MIB1: variants seen among roughly 807,000 people sequenced by gnomAD.
MIB1 encodes E3 ubiquitin-protein ligase MIB1.
Under a neutral mutation model 124.5 loss-of-function variants are expected in MIB1, and 278 were observed. The observed-to-expected ratio is 2.23, with a 90% CI of 2.02 to 2.47. The LOEUF (loss-of-function observed/expected upper bound fraction) is 2.47. Ranked by LOEUF, MIB1 falls within the 30% of genes most tolerant of loss-of-function variation. The pLI is 0.00. For missense variants in MIB1, 957 were observed against 1,254.4 expected (o/e 0.76, Z 3.58); for synonymous variants, 446 against 429.4 (o/e 1.04, Z -0.48).
At chr18:21,810,654 A>G (rs2041762153) in intron 10 of MIB1, among the ~76,000 whole-genome samples, 1 of 151,812 alleles carries the variant, frequency 6.6e-6, no homozygotes. Flanking sequence ...TTTTAAACAA[A>G]TGGTGCTTGG....
chr18:21,806,136 C>T (rs1309889854), intron 10 of MIB1, among the ~76,000 whole-genome samples: 2 of 151,262 alleles, frequency 1.3e-5, no homozygotes, highest in African/African-American at 2.4e-5. Flanking sequence ...CTCCTGACCT[C>T]GAGTGATTTC....
intron 1 of MIB1, among the ~76,000 whole-genome samples, chr18:21,750,360 C>T (rs937496180): frequency 1.6e-4 from 25 of 152,248 alleles, no homozygotes; most frequent in Middle Eastern, 3.4e-3. Flanking sequence ...CGGAGTCTCG[C>T]TCTGTCGTCC....
chr18:21,718,311 G>A (rs1331548411), intron 1 of MIB1, among the ~76,000 whole-genome samples: 1 of 152,096 alleles, frequency 6.6e-6, no homozygotes, highest in Admixed American at 6.6e-5. Flanking sequence ...GGTGATGGGT[G>A]CACCAAAAAT....
chr18:21,781,369 A>T (rs1220020598), intron 6 of MIB1, among the ~76,000 whole-genome samples: 2 of 10,508 alleles, frequency 1.9e-4, no homozygotes, highest in African/African-American at 6.8e-4. Context: ...TTCAAGTTAT[A>T]TATATATATA....
chr18:21,837,007 C>A (rs1026871324), intron 12 of MIB1, among the ~76,000 whole-genome samples: 1 of 152,002 alleles, frequency 6.6e-6, no homozygotes, highest in Non-Finnish European at 1.5e-5. Flanking sequence ...TCTATGAAGC[C>A]CATGAATGGG....
intron 12 of MIB1, among the ~76,000 whole-genome samples, chr18:21,836,118 G>A (rs1305164883): frequency 1.3e-5 from 2 of 151,798 alleles, no homozygotes; most frequent in Non-Finnish European, 2.9e-5. Context: ...GCTGGGCTTG[G>A]TGGCATGTAC....
intron 12 of MIB1, among the ~76,000 whole-genome samples, chr18:21,833,491 G>T (rs2042001730): frequency 6.6e-6 from 1 of 152,112 alleles, no homozygotes; most frequent in Non-Finnish European, 1.5e-5. Flanking sequence ...CGATTTGAGG[G>T]ATTGTTTATT....
At chr18:21,709,471 G>T (rs2040656365) in intron 1 of MIB1, among the ~76,000 whole-genome samples, 1 of 152,204 alleles carries the variant, frequency 6.6e-6, no homozygotes, top group African/African-American at 2.4e-5. Context: ...TCTGGAAACA[G>T]GGTGTTACCA....
In MIB1 at chr18:21,773,640, A is replaced by ACT; in HGVS notation, c.549_550dup (p.Trp184SerfsTer33). On this transcript the variant is annotated frameshift_variant, in exon 4 of 21. Coordinates refer to ENST00000261537, the MANE Select transcript of MIB1 (RefSeq NM_020774.4). LOFTEE classifies it high-confidence loss of function. ...TTCTGTTAGGTAACAGAAATCCAGGACTGGAGTGCATCAAGCCCACATAGC... is the reference window on the plus strand; with the variant it reads ...TTCTGTTAGGTAACAGAAATCCAGGACTCTGGAGTGCATCAAGCCCACATAGC... 1 of 1,608,996 alleles carries ACT rather than the reference A, an allele frequency of 6.2e-7. No homozygotes were observed.
chr18:21,800,998 T>C (rs1282585961), intron 9 of MIB1, among the ~76,000 whole-genome samples: 1 of 152,086 alleles, frequency 6.6e-6, no homozygotes, highest in Non-Finnish European at 1.5e-5. Context: ...ACTAAATTAT[T>C]TTAAAATTAT....
At chr18:21,721,164 T>TTTTTG (rs2040713448) in intron 1 of MIB1, among the ~76,000 whole-genome samples, 1 of 86,476 alleles carries the variant, frequency 1.2e-5, no homozygotes, top group African/African-American at 6.6e-5. Flanking sequence ...AAGAAGTTTT[T>TTTTTG]TTTTTTTTTT....
Position 21,815,605 on chromosome 18 carries a change from C to T in MIB1, c.1480-11C>T. On this transcript the variant is annotated splice_polypyrimidine_tract_variant and intron_variant, in intron 10 of 20. Coordinates refer to ENST00000261537, the MANE Select transcript of MIB1 (RefSeq NM_020774.4). ...ATATTCACTAATTCACATTTCAATA[C>T]TAATGATTAGGATAAAGATGGTGAT... The T allele has an allele frequency of 6.2e-7, 1 of 1,609,964 alleles. No homozygotes were observed. The highest frequency in any genetic ancestry group is 8.5e-7 in the Non-Finnish European group (1 of 1,177,104).
upstream of MIB1, among the ~76,000 whole-genome samples, chr18:21,739,693 G>A (rs547682549): frequency 6.6e-6 from 1 of 151,986 alleles, no homozygotes; most frequent in African/African-American, 2.4e-5. Context: ...TCCGGCCAGG[G>A]AAAATAGTGA....
At chr18:21,751,665 G>A (rs924300416) in intron 1 of MIB1, among the ~76,000 whole-genome samples, 7 of 151,924 alleles carry the variant, frequency 4.6e-5, no homozygotes, top group Non-Finnish European at 8.8e-5. Context: ...TTTTATTGGG[G>A]GAAAAATCCT....
intron 1 of MIB1, among the ~76,000 whole-genome samples, chr18:21,723,656 T>G (rs1361397993): frequency 6.6e-6 from 1 of 151,960 alleles, no homozygotes; most frequent in East Asian, 1.9e-4. Context: ...GCTGGGATTA[T>G]AGGCACCCGC....
At chr18:21,759,556 T>A (rs948150137) in intron 1 of MIB1, among the ~76,000 whole-genome samples, 1 of 152,124 alleles carries the variant, frequency 6.6e-6, no homozygotes, top group Non-Finnish European at 1.5e-5. Context: ...ATTCCATATT[T>A]AAAAAAATTC....
At chr18:21,736,202 T>A (rs2040796302), upstream of MIB1, among the ~76,000 whole-genome samples, 1 of 152,204 alleles carries the variant, frequency 6.6e-6, no homozygotes, top group Admixed American at 6.5e-5. Context: ...TCTTTGCTGT[T>A]CTGCAGCCTC....
intron 1 of MIB1, among the ~76,000 whole-genome samples, chr18:21,734,234 G>A (rs1421288823): frequency 6.6e-6 from 1 of 150,982 alleles, no homozygotes; most frequent in Non-Finnish European, 1.5e-5. Context: ...AGCCTCCCAA[G>A]TAGCTGGGAC....
At position 21,867,569 on chromosome 18, in the gene MIB1, T is replaced by C. The variant is rs2042329449; in HGVS notation, c.*2903T>C. 1 of 152,646 alleles carries C rather than the reference T, an allele frequency of 6.6e-6. No individual in the cohort carries two copies. The highest frequency in any genetic ancestry group is 2.4e-5 in the African/African-American group (1 of 41,472). The allele number at this position is 152,646 out of a possible 1,614,324, so 9.5% of individuals were successfully genotyped here. A position where few individuals can be genotyped will look rare whatever the true frequency, so the allele number is the denominator to read the frequency against. ...GACAAATGTTTAGTTGGTCAAATTA[T>C]GCATAAGATATTTGTAACTTTAAAC... On this transcript the variant is annotated 3_prime_UTR_variant, in exon 21 of 21. Transcript: ENST00000261537.
Sources: allele counts gnomAD v4.1 joint callset (sites outside exome capture counted in the v4.1 genomes callset), GRCh38; gene constraint gnomAD v4.1.1; transcripts MANE v1.5; gene names NCBI Gene and HGNC (gene_info 2026-07-23, HGNC 2026-07-21).